The following MND1 variants were observed in gnomAD, a reference collection of about 807,000 sequenced individuals.
The protein encoded by MND1 is meiotic nuclear divisions 1.
A neutral mutation model predicts 35.1 loss-of-function variants in MND1; 28 were observed. The observed-to-expected ratio is 0.80, with a 90% CI of 0.59 to 1.09. The LOEUF (loss-of-function observed/expected upper bound fraction) is 1.09. Among genes scored for constraint, MND1 ranks in the 50% least tolerant of loss-of-function variants. MND1 has a pLI of 0.00. For synonymous variants in MND1, 69 were observed against 70.5 expected (o/e 0.98, Z 0.11); for missense variants, 213 against 239.6 (o/e 0.89, Z 0.73).
chr4:153,400,110 A>G (rs1729308918), intron 6 of MND1, among the ~76,000 whole-genome samples: 1 of 151,752 alleles, frequency 6.6e-6, no homozygotes, highest in Non-Finnish European at 1.5e-5. Flanking sequence ...GTGTCTCGCT[A>G]TATTGCCCAG....
chr4:153,384,667 C>T (rs2149648072), intron 4 of MND1, among the ~76,000 whole-genome samples: 1 of 151,972 alleles, frequency 6.6e-6, no homozygotes, highest in African/African-American at 2.4e-5. Flanking sequence ...CTGACTCTGC[C>T]TGACAGTTCG....
At chr4:153,397,359 T>C in intron 6 of MND1, 26 bp downstream of exon 6, 1 of 1,516,934 alleles carries the variant, frequency 6.6e-7, no homozygotes, top group Non-Finnish European at 9.0e-7. Flanking sequence ...ACCTTAGGGA[T>C]CTTTAACTTT....
chr4:153,413,777 C>T (rs1165816158), intron 7 of MND1, among the ~76,000 whole-genome samples: 1 of 151,872 alleles, frequency 6.6e-6, no homozygotes, highest in African/African-American at 2.4e-5. Context: ...CTGCCTCCCT[C>T]ACTAGCTTCC....
At chr4:153,376,650 A>G (rs1445237398) in intron 4 of MND1, among the ~76,000 whole-genome samples, 1 of 152,194 alleles carries the variant, frequency 6.6e-6, no homozygotes, top group Non-Finnish European at 1.5e-5. Context: ...CTGACTTGAA[A>G]TGCACATTTT....
In MND1 at chr4:153,393,429, G is replaced by T. The variant is rs576440125; in HGVS notation, c.277-833G>T. On this transcript the variant is annotated intron_variant, in intron 4 of 7. Transcript: ENST00000240488. ...TCTGTCACCCAGGCTGGAGTGCAAT[G>T]GGGTTATCACAGTTCACTGCAGCCT... Among the ~76,000 whole-genome samples the T allele has an allele frequency of 2.7e-5, 4 of 147,202 alleles. No homozygotes were observed. The South Asian group carries it at 6.4e-4, about 24-fold the overall frequency.
At chr4:153,354,649 C>T (rs1016735982) in intron 2 of MND1, among the ~76,000 whole-genome samples, 12 of 152,078 alleles carry the variant, frequency 7.9e-5, no homozygotes, top group African/African-American at 2.9e-4. Flanking sequence ...ACTACAGGCA[C>T]GCACTACCAC....
intron 4 of MND1, chr4:153,363,063 CT>C: frequency 2.1e-6 from 2 of 969,652 alleles, no homozygotes; most frequent in Non-Finnish European, 2.5e-6. Flanking sequence ...TTTGCTGGTA[CT>C]TTGAGCTATA....
At chr4:153,382,519 A>G (rs931919934) in intron 4 of MND1, among the ~76,000 whole-genome samples, 1 of 152,242 alleles carries the variant, frequency 6.6e-6, no homozygotes, top group African/African-American at 2.4e-5. Flanking sequence ...AGGCAGAAGT[A>G]GAAAAGTAAG....
intron 1 of MND1, among the ~76,000 whole-genome samples, chr4:153,348,189 G>C (rs1773118467): frequency 6.6e-6 from 1 of 152,182 alleles, no homozygotes; most frequent in African/African-American, 2.4e-5. Flanking sequence ...GAAACTGGCA[G>C]AACTTGGTGA....
At chr4:153,346,286 C>T (rs1461612740) in intron 1 of MND1, among the ~76,000 whole-genome samples, 1 of 152,058 alleles carries the variant, frequency 6.6e-6, no homozygotes. Flanking sequence ...ATAATTTTAT[C>T]GTAATTGATT....
At chr4:153,358,684 CCT>C in intron 4 of MND1, 62 bp downstream of exon 4, 1 of 1,484,166 alleles carries the variant, frequency 6.7e-7, no homozygotes, top group African/African-American at 1.4e-5. Context: ...TTTACTTCAT[CCT>C]CTTTTTGTTT....
At chr4:153,356,751 A>G (rs1476910356) in intron 3 of MND1, among the ~76,000 whole-genome samples, 1 of 151,772 alleles carries the variant, frequency 6.6e-6, no homozygotes, top group Admixed American at 6.6e-5. Flanking sequence ...AATGGGGTTG[A>G]ACATTTTTCT....
chr4:153,388,790 A>G (rs573619166), intron 4 of MND1, among the ~76,000 whole-genome samples: 1 of 152,288 alleles, frequency 6.6e-6, no homozygotes, highest in African/African-American at 2.4e-5. Context: ...TTGTACTGCC[A>G]TTGGCGGTTC....
At chr4:153,392,940 C>T (rs548227795) in intron 4 of MND1, among the ~76,000 whole-genome samples, 3 of 152,010 alleles carry the variant, frequency 2.0e-5, no homozygotes, top group South Asian at 4.2e-4. Flanking sequence ...GGCAACATGG[C>T]GAAACTCCAG....
chr4:153,392,177 C>G (rs1394530544), intron 4 of MND1, among the ~76,000 whole-genome samples: 1 of 151,798 alleles, frequency 6.6e-6, no homozygotes, highest in Non-Finnish European at 1.5e-5. Flanking sequence ...TCTCGGCTCA[C>G]TGCAAGCTCC....
chr4:153,367,704 A>T (rs1193736871), intron 4 of MND1, among the ~76,000 whole-genome samples: 1 of 152,204 alleles, frequency 6.6e-6, no homozygotes, highest in Non-Finnish European at 1.5e-5. Context: ...GTGTATACCT[A>T]GGAGTAGAAC....
At position 153,414,738 on chromosome 4, in the gene MND1, A is replaced by G. The variant is rs1463816662; in HGVS notation, c.512-13A>G. ...GTGTTTTTCTCAAAATTATTTCTCA[A>G]TTTTCTTTATAGATAACATATTCGC... On this transcript the variant is annotated splice_polypyrimidine_tract_variant and intron_variant, in intron 7 of 7. Coordinates refer to ENST00000240488, the MANE Select transcript of MND1 (RefSeq NM_032117.4). The G allele has an allele frequency of 1.7e-6, 2 of 1,195,034 alleles. No individual in the cohort carries two copies. The highest frequency in any genetic ancestry group is 2.0e-4 in the Middle Eastern group (1 of 4,886). The allele number at this position is 1,195,034 out of a possible 1,614,324, so 74.0% of individuals were successfully genotyped here.
intron 6 of MND1, among the ~76,000 whole-genome samples, chr4:153,403,064 A>T (rs1386359198): frequency 7.9e-5 from 12 of 152,142 alleles, no homozygotes; most frequent in Admixed American, 7.9e-4. Flanking sequence ...TGAGCCGAGG[A>T]GATCAAGACT....
chr4:153,380,277 G>GAT (rs1728637777), intron 4 of MND1, among the ~76,000 whole-genome samples: 1 of 152,150 alleles, frequency 6.6e-6, no homozygotes, highest in Admixed American at 6.5e-5. Flanking sequence ...ACCACACATT[G>GAT]ATATCAGAGG....
Sources: allele counts gnomAD v4.1 joint callset (sites outside exome capture counted in the v4.1 genomes callset), GRCh38; gene constraint gnomAD v4.1.1; transcripts MANE v1.5; gene names NCBI Gene and HGNC (gene_info 2026-07-23, HGNC 2026-07-21).